CRB1: variants seen among roughly 807,000 people sequenced by gnomAD.
The protein encoded by CRB1 is protein crumbs homolog 1.
A neutral mutation model predicts 120.0 loss-of-function variants in CRB1; 83 were observed. The ratio of observed to expected loss-of-function variants is 0.69; its 90% CI spans 0.58 to 0.83. CRB1 has a LOEUF of 0.83. CRB1 is among the 40% of genes least tolerant of loss of function. The pLI, the probability that CRB1 is intolerant of heterozygous loss-of-function variation, is 0.00. For synonymous variants in CRB1, 625 were observed against 612.5 expected, an observed-to-expected ratio of 1.02 and a Z score of -0.30; for missense variants, 1,699 against 1,687.6, an observed-to-expected ratio of 1.01 and a Z score of -0.12.
intron 5 of CRB1, among the ~76,000 whole-genome samples, chr1:197,404,877 G>A (rs1317957904): frequency 6.6e-6 from 1 of 152,152 alleles, no homozygotes; most frequent in Non-Finnish European, 1.5e-5. Flanking sequence ...GTCTAATTCT[G>A]TGACTTTTGG....
intron 2 of CRB1, among the ~76,000 whole-genome samples, chr1:197,338,849 C>T (rs544921026): frequency 9.0e-4 from 136 of 151,716 alleles, no homozygotes; most frequent in African/African-American, 3.2e-3. Context: ...CATCATCAGT[C>T]TTACATACAT....
chr1:197,312,836 A>G (rs1657619802), intron 1 of CRB1, among the ~76,000 whole-genome samples: 1 of 152,184 alleles, frequency 6.6e-6, no homozygotes, highest in Non-Finnish European at 1.5e-5. Flanking sequence ...GCAACATTTA[A>G]TATTATTCTT....
chr1:197,325,346 A>G (rs1658432479), intron 1 of CRB1, among the ~76,000 whole-genome samples: 1 of 152,128 alleles, frequency 6.6e-6, no homozygotes, highest in Non-Finnish European at 1.5e-5. Flanking sequence ...CATTGTTTAT[A>G]CCTTCTATTT....
At chr1:197,238,740 A>C in the CRB1 span, among the ~76,000 whole-genome samples, 1 of 152,130 alleles carries the variant, frequency 6.6e-6, no homozygotes, top group Non-Finnish European at 1.5e-5. Context: ...GCTACTTGGG[A>C]GGCTGAGGCA....
At chr1:197,456,639 A>G (rs1191753459) in intron 11 of CRB1, among the ~76,000 whole-genome samples, 1 of 152,084 alleles carries the variant, frequency 6.6e-6, no homozygotes, top group East Asian at 1.9e-4. Context: ...CCCATTATTC[A>G]TCTTGAATTA....
chr1:197,370,504 A>G (rs1661315165), intron 5 of CRB1, among the ~76,000 whole-genome samples: 1 of 152,142 alleles, frequency 6.6e-6, no homozygotes, highest in Non-Finnish European at 1.5e-5. Flanking sequence ...GGAATAAAAC[A>G]AAATCAACTC....
At chr1:197,249,105 T>G in the CRB1 span, among the ~76,000 whole-genome samples, 1 of 151,944 alleles carries the variant, frequency 6.6e-6, no homozygotes, top group African/African-American at 2.4e-5. Context: ...ATCATATACC[T>G]TTTTGTAATT....
intron 5 of CRB1, among the ~76,000 whole-genome samples, chr1:197,389,029 G>A (rs1055955232): frequency 6.6e-6 from 1 of 152,080 alleles, no homozygotes; most frequent in East Asian, 1.9e-4. Context: ...CCATTAGGAT[G>A]GCTATTATCA....
chr1:197,442,032 T>C lies in CRB1; in HGVS notation c.3879-134T>C, dbSNP rs373670013. ...AAGAAACATCTCCGACATTATCAAG[T>C]ATGTATAAAGTATGTGTGGATGGGT... On this transcript the variant is annotated intron_variant, in intron 10 of 11. Coordinates refer to ENST00000367400, the MANE Select transcript of CRB1 (RefSeq NM_201253.3). 4.1e-6 allele frequency: 4 copies of C among 981,290 alleles called. No individual in the cohort carries two copies. In the African/African-American group the frequency reaches 6.4e-5, roughly 16 times the overall value. 60.8% of individuals were successfully genotyped at this position (981,290 alleles called of 1,614,324 possible).
chr1:197,453,344 G>A (rs1006763284), intron 11 of CRB1, among the ~76,000 whole-genome samples: 3 of 145,556 alleles, frequency 2.1e-5, no homozygotes, highest in East Asian at 3.9e-4. Context: ...AATTAAATTA[G>A]TATAATTAAA....
At chr1:197,402,271 A>T (rs1663104446) in intron 5 of CRB1, among the ~76,000 whole-genome samples, 1 of 152,104 alleles carries the variant, frequency 6.6e-6, no homozygotes, top group Non-Finnish European at 1.5e-5. Flanking sequence ...ATGAGTTCTC[A>T]TCATTTAGCT....
Position 197,295,650 on chromosome 1 carries a change from T to C in CRB1, c.70+27168T>C, listed in dbSNP as rs575676418. 2.0e-5 allele frequency among the ~76,000 whole-genome samples: 3 copies of C among 152,166 alleles called. No individual in the cohort carries two copies. The East Asian group carries it at 5.8e-4, about 30-fold the overall frequency. On this transcript the variant is annotated intron_variant, in intron 1 of 11. Transcript: ENST00000367400. ...GTGTCTGCAGCACTTCAGCATTTAA[T>C]AGCTGAAATATATTTGAGCAGCTTT...
intron 11 of CRB1, among the ~76,000 whole-genome samples, chr1:197,462,294 T>A (rs1342786037): frequency 6.6e-6 from 1 of 152,202 alleles, no homozygotes; most frequent in African/African-American, 2.4e-5. Flanking sequence ...ATAATACTGA[T>A]ATATCTTACA....
intron 5 of CRB1, among the ~76,000 whole-genome samples, chr1:197,367,524 GTGTGC>G (rs1236706019): frequency 6.6e-6 from 1 of 152,176 alleles, no homozygotes; most frequent in East Asian, 1.9e-4. Context: ...CTCATGACCT[GTGTGC>G]TTACCCTTGA....
chr1:197,320,274 T>G (rs1013730506), intron 1 of CRB1, among the ~76,000 whole-genome samples: 5 of 152,208 alleles, frequency 3.3e-5, no homozygotes, highest in Non-Finnish European at 7.3e-5. Context: ...TACACTATGA[T>G]TTCACCTATT....
intron 1 of CRB1, among the ~76,000 whole-genome samples, chr1:197,300,275 G>A (rs1450519722): frequency 6.6e-6 from 1 of 151,898 alleles, no homozygotes; most frequent in African/African-American, 2.4e-5. Context: ...ACTAAGATAG[G>A]CTGAAACTAA....
At chr1:197,238,277 A>T in the CRB1 span, among the ~76,000 whole-genome samples, 1 of 152,164 alleles carries the variant, frequency 6.6e-6, no homozygotes, top group Non-Finnish European at 1.5e-5. Context: ...ATAGAAACAA[A>T]TGAAGACAAA....
chr1:197,463,267 C>A (rs576503045), intron 11 of CRB1, among the ~76,000 whole-genome samples: 3 of 152,112 alleles, frequency 2.0e-5, no homozygotes, highest in African/African-American at 7.2e-5. Flanking sequence ...CCTCCTGACA[C>A]CTGCTGTGTG....
At chr1:197,380,814 T>G (rs1661916360) in intron 5 of CRB1, among the ~76,000 whole-genome samples, 1 of 152,238 alleles carries the variant, frequency 6.6e-6, no homozygotes, top group Non-Finnish European at 1.5e-5. Context: ...TGATCCATCC[T>G]GTCTGAGTGC....
Sources: allele counts gnomAD v4.1 joint callset (sites outside exome capture counted in the v4.1 genomes callset), GRCh38; gene constraint gnomAD v4.1.1; transcripts MANE v1.5; gene names NCBI Gene and HGNC (gene_info 2026-07-23, HGNC 2026-07-21).